PLOD2: variants seen among roughly 807,000 people sequenced by gnomAD.
PLOD2 encodes procollagen-lysine,2-oxoglutarate 5-dioxygenase 2, also known as lysine hydroxylase 2.
A neutral mutation model predicts 101.0 loss-of-function variants in PLOD2; 65 were observed. The observed-to-expected ratio is 0.64, with a 90% CI of 0.53 to 0.79. The LOEUF is 0.79. PLOD2 is among the 30% of genes least tolerant of loss of function. PLOD2 has a pLI of 0.00. For missense variants in PLOD2, 909 were observed against 914.6 expected (o/e 0.99, Z 0.08); for synonymous variants, 314 against 302.9 (o/e 1.04, Z -0.38).
At chr3:146,106,935 C>G (rs910957256) in intron 4 of PLOD2, among the ~76,000 whole-genome samples, 3 of 152,120 alleles carry the variant, frequency 2.0e-5, no homozygotes, top group African/African-American at 7.2e-5. Context: ...CTAATGTTTT[C>G]CAAGGCTCCT....
rs201898810 is a variant in PLOD2, at chr3:146,071,244, A to C, written c.1995+33T>G. 3.0e-3 allele frequency: 4,815 copies of C among 1,611,592 alleles called. 76 individuals are homozygous for C. The highest frequency in any genetic ancestry group is 0.025 in the South Asian group (2,293 of 91,030). ...AAGAACACCTGTGTAAAAATGGGTA[A>C]GAAATAGGCTGGAGGGGTGAGAGGA... is the stretch of plus-strand genomic sequence containing the variant. On this transcript the variant is annotated intron_variant, in intron 18 of 19. Transcript: ENST00000282903.
intron 3 of PLOD2, 56 bp from the exon 4 acceptor site, chr3:146,110,504 T>A (rs921655866): frequency 7.0e-7 from 1 of 1,420,476 alleles, no homozygotes; most frequent in Non-Finnish European, 9.8e-7. Context: ...TCTAGGCACA[T>A]AAACCATGAA....
chr3:146,089,101 T>G (rs1010043207), intron 8 of PLOD2, among the ~76,000 whole-genome samples: 1 of 151,620 alleles, frequency 6.6e-6, no homozygotes, highest in Non-Finnish European at 1.5e-5. Flanking sequence ...TGTGTTTCTC[T>G]TTTTGTTTCC....
chr3:146,160,291 T>G (rs2032506970), intron 1 of PLOD2, among the ~76,000 whole-genome samples: 1 of 152,188 alleles, frequency 6.6e-6, no homozygotes, highest in Non-Finnish European at 1.5e-5. Context: ...GGGGAGCAGC[T>G]GTGTGTCCAC....
intron 3 of PLOD2, among the ~76,000 whole-genome samples, chr3:146,114,022 G>A (rs1039530352): frequency 6.6e-6 from 1 of 152,092 alleles, no homozygotes; most frequent in Non-Finnish European, 1.5e-5. Flanking sequence ...TTGCAGATAA[G>A]GGATGAAATA....
rs559934477 is a variant in PLOD2 at position 146,119,879 on chromosome 3, C to T, written c.338+1233G>A. 1.2e-3 allele frequency among the ~76,000 whole-genome samples: 188 copies of T among 152,180 alleles called. 2 individuals are homozygous for T. Among genetic ancestry groups the T allele is most frequent in the African/African-American group, 2.0e-3 (83 of 41,532 alleles). On this transcript the variant is annotated intron_variant, in intron 3 of 19. Transcript: ENST00000282903. ...TGGGTTGGTTCCAAGTCTTTGCTAT[C>T]GTGAATAGTGCCGCGATAAACATAC...
intron 3 of PLOD2, among the ~76,000 whole-genome samples, chr3:146,116,199 T>C (rs73865310): frequency 0.01 from 1,569 of 152,066 alleles, 34 homozygotes; most frequent in African/African-American, 0.036. Context: ...ACCAATACTA[T>C]GGATCCACTC....
At chr3:146,103,080 C>T (rs926685071) in intron 6 of PLOD2, among the ~76,000 whole-genome samples, 12 of 152,154 alleles carry the variant, frequency 7.9e-5, no homozygotes, top group Non-Finnish European at 1.6e-4. Flanking sequence ...CTCACTCCAA[C>T]CTGGCACCAG....
At chr3:146,093,925 G>A (rs1473823524) in intron 7 of PLOD2, among the ~76,000 whole-genome samples, 1 of 152,094 alleles carries the variant, frequency 6.6e-6, no homozygotes, top group African/African-American at 2.4e-5. Flanking sequence ...AGATAACTAA[G>A]ATATTTTAGA....
At chr3:146,082,721 T>C (rs1936604064) in intron 11 of PLOD2, among the ~76,000 whole-genome samples, 1 of 151,894 alleles carries the variant, frequency 6.6e-6, no homozygotes, top group Admixed American at 6.6e-5. Flanking sequence ...TGAAATCCCA[T>C]CTCTACTAAT....
At chr3:146,141,571 T>A (rs751036638) in intron 1 of PLOD2, among the ~76,000 whole-genome samples, 11 of 152,138 alleles carry the variant, frequency 7.2e-5, no homozygotes, top group Non-Finnish European at 1.3e-4. Flanking sequence ...TGACATTCAC[T>A]GTTTATCAGG....
At chr3:146,107,175 T>C (rs1321931927) in intron 4 of PLOD2, among the ~76,000 whole-genome samples, 1 of 152,246 alleles carries the variant, frequency 6.6e-6, no homozygotes, top group Non-Finnish European at 1.5e-5. Flanking sequence ...CTAAGACATT[T>C]TGGAAATGTT....
chr3:146,145,401 T>G (rs1029038461), intron 1 of PLOD2, among the ~76,000 whole-genome samples: 2 of 152,128 alleles, frequency 1.3e-5, no homozygotes, highest in African/African-American at 4.8e-5. Context: ...ATTATCACAA[T>G]GAGCAAAACA....
chr3:146,153,222 A>C (rs1415540419), intron 1 of PLOD2, among the ~76,000 whole-genome samples: 1 of 152,200 alleles, frequency 6.6e-6, no homozygotes, highest in Non-Finnish European at 1.5e-5. Context: ...CACATTATGG[A>C]GATCATTTTA....
intron 7 of PLOD2, among the ~76,000 whole-genome samples, chr3:146,098,923 TAAG>T (rs1418295581): frequency 2.6e-5 from 4 of 152,180 alleles, no homozygotes; most frequent in African/African-American, 4.8e-5. Flanking sequence ...TCAGCCTGGA[TAAG>T]AAGAATACGT....
chr3:146,072,077 T>C (rs1262027206), intron 17 of PLOD2, among the ~76,000 whole-genome samples: 3 of 151,760 alleles, frequency 2.0e-5, no homozygotes, highest in African/African-American at 7.3e-5. Context: ...TAGTATTTCC[T>C]GCCAAGTCTT....
At chr3:146,085,845 T>G (rs1276794525) in intron 10 of PLOD2, 1 of 152,654 alleles carries the variant, frequency 6.6e-6, no homozygotes, top group East Asian at 1.9e-4. Flanking sequence ...GTTATCAACT[T>G]CCCTCTGGGC....
intron 1 of PLOD2, among the ~76,000 whole-genome samples, chr3:146,131,060 T>C (rs1485708047): frequency 1.3e-5 from 2 of 152,214 alleles, no homozygotes; most frequent in Non-Finnish European, 2.9e-5. Flanking sequence ...AGAGGCTGCC[T>C]ATGTGACCAT....
At chr3:146,116,964 T>A (rs1256896255) in intron 3 of PLOD2, among the ~76,000 whole-genome samples, 1 of 152,172 alleles carries the variant, frequency 6.6e-6, no homozygotes, top group Non-Finnish European at 1.5e-5. Context: ...CAAAATTGTT[T>A]CTAAATTAAT....
Sources: allele counts gnomAD v4.1 joint callset (sites outside exome capture counted in the v4.1 genomes callset), GRCh38; gene constraint gnomAD v4.1.1; transcripts MANE v1.5; gene names NCBI Gene and HGNC (gene_info 2026-07-23, HGNC 2026-07-21).